Variants in PASD1 observed in about 807,000 individuals in gnomAD.
PASD1 encodes the protein PAS domain containing repressor 1.
A neutral mutation model predicts 58.8 loss-of-function variants in PASD1; 13 were observed. The ratio of observed to expected loss-of-function variants is 0.22; its 90% CI spans 0.14 to 0.35. PASD1 has a LOEUF of 0.35. Ranked by LOEUF, PASD1 falls within the 10% of genes least tolerant of loss-of-function variation. The pLI, the probability that PASD1 is intolerant of heterozygous loss-of-function variation, is 1.00. For synonymous variants in PASD1, 236 were observed against 216.7 expected, an observed-to-expected ratio of 1.09 and a Z score of -0.78; for missense variants, 734 against 568.3, an observed-to-expected ratio of 1.29 and a Z score of -2.96.
chrX:151,582,056 A>G (rs1221891864), intron 1 of PASD1, among the ~76,000 whole-genome samples: 1 of 90,869 alleles, frequency 1.1e-5, no homozygotes, highest in Non-Finnish European at 2.0e-5. Flanking sequence ...GCACGATCTC[A>G]GCTCACTGCA....
intron 1 of PASD1, among the ~76,000 whole-genome samples, chrX:151,587,624 C>G (rs1310575206): frequency 9.0e-6 from 1 of 110,899 alleles, no homozygotes; most frequent in Non-Finnish European, 1.9e-5. Context: ...TGGCTCAGGT[C>G]AGGGTCTATG....
intron 1 of PASD1, among the ~76,000 whole-genome samples, chrX:151,593,218 A>G (rs966976111): frequency 9.1e-6 from 1 of 110,236 alleles, no homozygotes; most frequent in Non-Finnish European, 1.9e-5. Context: ...TTTTGTAGTT[A>G]TTTAAGTTTA....
chrX:151,658,333 G>GT (rs2124306426), intron 9 of PASD1, among the ~76,000 whole-genome samples: 1 of 112,397 alleles, frequency 8.9e-6, no homozygotes, highest in Non-Finnish European at 1.9e-5. Flanking sequence ...TCTTGGCTTT[G>GT]TTTTTTCCAG....
At position 151,595,865 on chromosome X, in the gene PASD1, A is replaced by G. The variant is rs182956960; in HGVS notation, c.-27-5662A>G. 2.7e-5 allele frequency among the ~76,000 whole-genome samples: 3 copies of G among 112,101 alleles called. No individual in the cohort carries two copies. The East Asian group carries it at 8.4e-4, about 32-fold the overall frequency. On this transcript the variant is annotated intron_variant, in intron 1 of 15. Transcript: ENST00000370357. Reference sequence around the variant, plus strand: ...TTCTGAACTCTTAGGTCTGTTTCCTAAAACTTAATGAGACCACTTTATTCT... The same window carrying G: ...TTCTGAACTCTTAGGTCTGTTTCCTGAAACTTAATGAGACCACTTTATTCT...
At chrX:151,633,972 C>T (rs2124283145) in intron 8 of PASD1, among the ~76,000 whole-genome samples, 1 of 111,874 alleles carries the variant, frequency 8.9e-6, no homozygotes, top group South Asian at 3.7e-4. Flanking sequence ...TATAGTTGCC[C>T]AGCTTGTGTG....
intron 14 of PASD1, chrX:151,673,702 TA>T: frequency 2.3e-6 from 1 of 442,679 alleles, no homozygotes; most frequent in Non-Finnish European, 3.9e-6. Flanking sequence ...GTAATATAAA[TA>T]AAACCAGGTG....
intron 8 of PASD1, among the ~76,000 whole-genome samples, chrX:151,648,301 GTTGGT>G (rs1458679879): frequency 9.1e-6 from 1 of 109,487 alleles, no homozygotes; most frequent in Non-Finnish European, 1.9e-5. Flanking sequence ...TGTAATTGCA[GTTGGT>G]TTAAAAATTG....
At chrX:151,622,490 A>G (rs1037166271) in intron 6 of PASD1, among the ~76,000 whole-genome samples, 11 of 110,429 alleles carry the variant, frequency 1.0e-4, no homozygotes, top group Admixed American at 8.8e-4. Flanking sequence ...AATGAAATTA[A>G]CTCACGCAAA....
rs142185934 is a variant in PASD1, at chrX:151,609,918, T to A, written c.118-1746T>A. Among the ~76,000 whole-genome samples, 400 of 110,918 alleles carry A rather than the reference T, an allele frequency of 3.6e-3. 2 individuals are homozygous for A. The highest frequency in any genetic ancestry group is 0.012 in the African/African-American group (367 of 30,568). On this transcript the variant is annotated intron_variant, in intron 3 of 15. Coordinates refer to ENST00000370357, the MANE Select transcript of PASD1 (RefSeq NM_173493.3). Reference sequence around the variant, plus strand: ...GTTTTCTATAGCAGCTTTGTCATTTTATACTACCATCAATAGTGCATAGGG... The same window carrying A: ...GTTTTCTATAGCAGCTTTGTCATTTAATACTACCATCAATAGTGCATAGGG...
intron 14 of PASD1, chrX:151,673,639 T>G: frequency 2.7e-6 from 1 of 367,603 alleles, no homozygotes. Context: ...GTAGGTGAAA[T>G]GACTTTCCAA....
At chrX:151,564,171 G>A (rs1252329573) in intron 1 of PASD1, among the ~76,000 whole-genome samples, 2 of 113,366 alleles carry the variant, frequency 1.8e-5, no homozygotes, top group Non-Finnish European at 3.7e-5. Flanking sequence ...GAGTTGGGAA[G>A]AATGGAAAGC....
intron 1 of PASD1, among the ~76,000 whole-genome samples, chrX:151,600,080 A>G (rs2013391546): frequency 8.9e-6 from 1 of 112,298 alleles, no homozygotes; most frequent in African/African-American, 3.2e-5. Context: ...CCGGCCAACA[A>G]GGCGAAACCC....
chrX:151,604,521 T>C, intron 2 of PASD1, 125 bp from the exon 3 acceptor site: 1 of 466,980 alleles, frequency 2.1e-6, no homozygotes, highest in Non-Finnish European at 3.7e-6. Context: ...GATCCTTCAT[T>C]AGCACTCAGC....
At chrX:151,633,158 T>A (rs1045746343) in intron 8 of PASD1, among the ~76,000 whole-genome samples, 1 of 111,241 alleles carries the variant, frequency 9.0e-6, no homozygotes, top group Non-Finnish European at 1.9e-5. Flanking sequence ...ATTTGAAACC[T>A]CCATACTGAG....
At chrX:151,642,666 T>C (rs923277319) in intron 8 of PASD1, among the ~76,000 whole-genome samples, 2 of 112,448 alleles carry the variant, frequency 1.8e-5, no homozygotes, top group African/African-American at 6.5e-5. Flanking sequence ...AAATGACTTA[T>C]TTGCCAAATT....
At chrX:151,564,256 G>GT (rs1405267982) in intron 1 of PASD1, among the ~76,000 whole-genome samples, 6 of 112,739 alleles carry the variant, frequency 5.3e-5, no homozygotes, top group Non-Finnish European at 9.4e-5. Context: ...GCAGGTCTGG[G>GT]GCGCGTCTCC....
rs185349123 is a variant in PASD1 at position 151,621,526 on chromosome X, G to A, written c.352G>A (p.Glu118Lys). Residue 118 changes from glutamate (E) to lysine (K), a missense_variant, in exon 6 of 16, where the codon GAA becomes AAA. Coordinates refer to ENST00000370357, the MANE Select transcript of PASD1 (RefSeq NM_173493.3). ...FCCHLKRGNV[E>K]HGDSSAYENV... ...CTGTCATTTAAAAAGAGGAAATGTC[G>A]AACATGGTGATAGTTCTGCTTACGA... is the stretch of plus-strand genomic sequence containing the variant. 185 of 1,204,345 alleles carry A rather than the reference G, an allele frequency of 1.5e-4. 1 individual carries two copies. In the East Asian group the frequency reaches 4.1e-3, roughly 26 times the overall value.
At chrX:151,613,365 G>A (rs759020488) in intron 4 of PASD1, among the ~76,000 whole-genome samples, 27 of 108,512 alleles carry the variant, frequency 2.5e-4, no homozygotes, top group African/African-American at 8.5e-4. Flanking sequence ...AAAGTCCTTG[G>A]TAGCTTGATG....
chrX:151,653,694 T>TC (rs1281807833), intron 9 of PASD1, among the ~76,000 whole-genome samples: 1 of 94,539 alleles, frequency 1.1e-5, no homozygotes, highest in African/African-American at 3.8e-5. Flanking sequence ...CTTCCTTCCC[T>TC]CCTCCTCCTT....
Sources: allele counts gnomAD v4.1 joint callset (sites outside exome capture counted in the v4.1 genomes callset), GRCh38; gene constraint gnomAD v4.1.1; transcripts MANE v1.5; gene names NCBI Gene and HGNC (gene_info 2026-07-23, HGNC 2026-07-21).